The following SAMD3 variants were observed in gnomAD, a reference collection of about 807,000 sequenced individuals.
The protein encoded by SAMD3 is sterile alpha motif domain-containing protein 3.
A neutral mutation model predicts 58.5 loss-of-function variants in SAMD3; 63 were observed. The ratio of observed to expected loss-of-function variants is 1.08; its 90% CI spans 0.88 to 1.33. SAMD3 has a LOEUF of 1.33. Ranked by LOEUF, SAMD3 falls within the 40% of genes most tolerant of loss-of-function variation. The probability of loss-of-function intolerance (pLI) is 0.00; values close to 1 mark genes in which losing one functional copy is unlikely to be tolerated. For synonymous variants in SAMD3, 220 were observed against 210.3 expected, an observed-to-expected ratio of 1.05 and a Z score of -0.40; for missense variants, 604 against 608.4, an observed-to-expected ratio of 0.99 and a Z score of 0.08.
At chr6:130,183,546 T>C in intron 7 of SAMD3, 1 of 385,804 alleles carries the variant, frequency 2.6e-6, no homozygotes, top group Non-Finnish European at 5.0e-6. Context: ...GTCTTTCTCT[T>C]TCTATGTGTC....
At chr6:130,149,532 T>TA (rs746468836) in intron 9 of SAMD3, among the ~76,000 whole-genome samples, 17 of 152,066 alleles carry the variant, frequency 1.1e-4, no homozygotes, top group Non-Finnish European at 2.5e-4. Flanking sequence ...TACATAGCCA[T>TA]AAAAAAGAAT....
chr6:130,242,512 C>T (rs1337164724), intron 2 of SAMD3, among the ~76,000 whole-genome samples: 1 of 152,114 alleles, frequency 6.6e-6, no homozygotes, highest in Non-Finnish European at 1.5e-5. Flanking sequence ...GATAGTAATA[C>T]ATGTGAGAAG....
At chr6:130,164,180 G>A (rs979216947) in intron 8 of SAMD3, among the ~76,000 whole-genome samples, 6 of 151,624 alleles carry the variant, frequency 4.0e-5, no homozygotes, top group African/African-American at 7.3e-5. Context: ...ATCAGAATGC[G>A]GCAAAATGTT....
chr6:130,315,762 T>A lies in SAMD3; in HGVS notation c.-303-2669A>T, dbSNP rs189160121. 7.1e-3 allele frequency among the ~76,000 whole-genome samples: 1,074 copies of A among 152,194 alleles called. 11 individuals carry two copies. Among genetic ancestry groups the A allele is most frequent in the Middle Eastern group, 0.017 (5 of 294 alleles). Reference sequence around the variant, plus strand: ...GTATTTTTAATATAAAATGATTTTTTAAATAATTTAAATTATTGGTAAACA... The same window carrying A: ...GTATTTTTAATATAAAATGATTTTTAAAATAATTTAAATTATTGGTAAACA... On this transcript the variant is annotated intron_variant, in intron 1 of 13. Transcript: ENST00000368134.
chr6:130,300,293 A>G (rs1472458365), intron 2 of SAMD3, among the ~76,000 whole-genome samples: 1 of 152,208 alleles, frequency 6.6e-6, no homozygotes, highest in Admixed American at 6.5e-5. Context: ...GGATGCAAGG[A>G]TGTTTCAACA....
At chr6:130,144,156 G>A, downstream of SAMD3, 1 of 214,184 alleles carries the variant, frequency 4.7e-6, no homozygotes, top group Non-Finnish European at 9.2e-6. Context: ...GGCCATAAAT[G>A]TGCAGCTCCT....
intron 5 of SAMD3, among the ~76,000 whole-genome samples, chr6:130,208,479 C>T (rs2114819360): frequency 6.6e-6 from 1 of 152,220 alleles, no homozygotes; most frequent in East Asian, 1.9e-4. Flanking sequence ...GTATTTATAG[C>T]CACACCCCAT....
chr6:130,150,206 C>T (rs1057266935), intron 9 of SAMD3, among the ~76,000 whole-genome samples: 5 of 152,160 alleles, frequency 3.3e-5, no homozygotes, highest in Admixed American at 2.0e-4. Context: ...TGTTCCCCAC[C>T]GTCCTGTCCT....
rs150395949 is a variant in SAMD3, at chr6:130,184,613, T to C, written c.394A>G (p.Lys132Glu). ...QRVLKQRRNV[K>E]QILARSKALQ... Reference sequence around the variant, plus strand: ...GCTTTGCTTCTTGCTAGAATTTGTTTCACATTTCTTCTGTGAAATAAAAAC... The same window carrying C: ...GCTTTGCTTCTTGCTAGAATTTGTTCCACATTTCTTCTGTGAAATAAAAAC... The change falls in exon 6 of 12, where the codon AAA becomes GAA. Residue 132 changes from lysine (K) to glutamate (E), a missense_variant. Physicochemically the swap from Lys to Glu is moderately conservative, Grantham distance 56. Coordinates refer to ENST00000439090, the MANE Select transcript of SAMD3 (RefSeq NM_001017373.4). 8.1e-6 allele frequency: 13 copies of C among 1,604,388 alleles called. No individual in the cohort carries two copies. The African/African-American group carries it at 1.5e-4, about 18-fold the overall frequency.
intron 2 of SAMD3, among the ~76,000 whole-genome samples, chr6:130,311,032 C>T (rs1383352186): frequency 2.0e-5 from 3 of 152,126 alleles, no homozygotes; most frequent in Non-Finnish European, 4.4e-5. Context: ...ATGGCTCCAG[C>T]GCTGGGGAGG....
intron 5 of SAMD3, among the ~76,000 whole-genome samples, chr6:130,194,727 T>C (rs775906696): frequency 1.7e-4 from 26 of 152,320 alleles, no homozygotes; most frequent in Admixed American, 8.5e-4. Context: ...TTCAACTCAC[T>C]TGGCAACCAC....
chr6:130,284,898 C>T (rs1775104391), intron 2 of SAMD3, among the ~76,000 whole-genome samples: 1 of 152,118 alleles, frequency 6.6e-6, no homozygotes, highest in African/African-American at 2.4e-5. Context: ...AATAGGTAAA[C>T]CCACAGTTCT....
intron 2 of SAMD3, among the ~76,000 whole-genome samples, chr6:130,276,707 C>T (rs1262950694): frequency 6.6e-6 from 1 of 152,058 alleles, no homozygotes; most frequent in East Asian, 1.9e-4. Context: ...ACTGAGACTG[C>T]AGGATTGCAG....
intron 9 of SAMD3, among the ~76,000 whole-genome samples, chr6:130,151,312 C>T (rs1412535711): frequency 6.6e-6 from 1 of 152,122 alleles, no homozygotes; most frequent in Non-Finnish European, 1.5e-5. Context: ...ACCTTAATGC[C>T]TGAGTGCAGT....
At chr6:130,215,467 A>T in intron 2 of SAMD3, 173 bp from the exon 3 acceptor site, 1 of 1,322,006 alleles carries the variant, frequency 7.6e-7, no homozygotes, top group Admixed American at 3.6e-5. Context: ...CAAAACACAC[A>T]CTCACTTTAA....
At chr6:130,249,739 G>T (rs1773678047) in intron 2 of SAMD3, among the ~76,000 whole-genome samples, 1 of 152,138 alleles carries the variant, frequency 6.6e-6, no homozygotes, top group African/African-American at 2.4e-5. Context: ...TGGTAGGTTT[G>T]AAGGCACCCA....
chr6:130,209,423 TG>T, intron 5 of SAMD3, 71 bp downstream of exon 5: 1 of 786,990 alleles, frequency 1.3e-6, no homozygotes, highest in East Asian at 2.6e-5. Context: ...TCTAAACATA[TG>T]AAACCTTATC....
At chr6:130,185,959 A>G (rs1792925329) in intron 5 of SAMD3, among the ~76,000 whole-genome samples, 2 of 152,096 alleles carry the variant, frequency 1.3e-5, no homozygotes, top group Non-Finnish European at 2.9e-5. Context: ...GGTGAACTTT[A>G]TGCTATGTAA....
At chr6:130,270,384 C>A (rs530337664) in intron 2 of SAMD3, among the ~76,000 whole-genome samples, 7 of 152,292 alleles carry the variant, frequency 4.6e-5, no homozygotes, top group African/African-American at 1.4e-4. Flanking sequence ...TGAGCCCCTG[C>A]GTCAGGCCAG....
Sources: allele counts gnomAD v4.1 joint callset (sites outside exome capture counted in the v4.1 genomes callset), GRCh38; gene constraint gnomAD v4.1.1; transcripts MANE v1.5; gene names NCBI Gene and HGNC (gene_info 2026-07-23, HGNC 2026-07-21).